The following MMP26 variants were observed in gnomAD, a reference collection of about 807,000 sequenced individuals.
The protein encoded by MMP26 is matrix metallopeptidase 26.
Under a neutral mutation model 31.0 loss-of-function variants are expected in MMP26, and 33 were observed. The ratio of observed to expected loss-of-function variants is 1.06; its 90% CI spans 0.81 to 1.42. MMP26 has a LOEUF of 1.42. MMP26 is among the 40% of genes most tolerant of loss of function. The pLI is 0.00. For missense variants in MMP26, 347 were observed against 316.1 expected, an observed-to-expected ratio of 1.10 and a Z score of -0.74; for synonymous variants, 122 against 114.9, an observed-to-expected ratio of 1.06 and a Z score of -0.40.
At chr11:4,875,882 C>G (rs564840326) in intron 2 of MMP26, 1 of 152,106 alleles carries the variant, frequency 6.6e-6, no homozygotes, top group Non-Finnish European at 1.5e-5. Flanking sequence ...ACTTCTTCCT[C>G]CCTCACTTGC....
At chr11:4,821,858 T>A in intron 2 of MMP26, 1 of 1,613,848 alleles carries the variant, frequency 6.2e-7, no homozygotes, top group South Asian at 1.1e-5. Context: ...ATTGCCAAGA[T>A]TGGGATGAGC....
intron 2 of MMP26, among the ~76,000 whole-genome samples, chr11:4,836,134 C>T (rs1339492800): frequency 2.6e-5 from 4 of 151,934 alleles, no homozygotes; most frequent in Non-Finnish European, 4.4e-5. Context: ...TTAACACCTC[C>T]TAGAAATCCA....
At chr11:4,921,567 T>C (rs1168761353) in intron 2 of MMP26, among the ~76,000 whole-genome samples, 1 of 152,214 alleles carries the variant, frequency 6.6e-6, no homozygotes, top group Non-Finnish European at 1.5e-5. Context: ...CAGATCTGTA[T>C]GGTTTCACTT....
At chr11:4,720,969 C>T (rs1019789714) in intron 1 of MMP26, among the ~76,000 whole-genome samples, 8 of 152,176 alleles carry the variant, frequency 5.3e-5, no homozygotes, top group Admixed American at 2.0e-4. Context: ...GGAACCAATG[C>T]ATCTGGGCAA....
chr11:4,784,348 T>C (rs867096180), intron 2 of MMP26, among the ~76,000 whole-genome samples: 1 of 152,210 alleles, frequency 6.6e-6, no homozygotes, highest in Non-Finnish European at 1.5e-5. Context: ...AAAGATACTC[T>C]AGTGGATCGA....
intron 2 of MMP26, chr11:4,803,302 G>A: frequency 3.1e-6 from 2 of 637,676 alleles, no homozygotes; most frequent in Non-Finnish European, 5.4e-6. Flanking sequence ...TGCCTCTAGA[G>A]GGTTGCTTAC....
intron 2 of MMP26, among the ~76,000 whole-genome samples, chr11:4,976,546 G>C (rs1027915739): frequency 2.6e-5 from 4 of 151,934 alleles, no homozygotes; most frequent in Admixed American, 1.3e-4. Flanking sequence ...CTGAACCCAG[G>C]ATAAAGCCAC....
At position 4,952,508 on chromosome 11, in the gene MMP26, C is replaced by T. The variant is rs778899062; in HGVS notation, c.-144-35560C>T. On this transcript the variant is annotated intron_variant, in intron 2 of 7. Transcript: ENST00000380390. ...TGGATATAGTTACGCACCTTGAACA[C>T]AGAAGCAGTTCTTGCCCTGATCTGA... 1.6e-5 allele frequency among the ~76,000 whole-genome samples: 2 copies of T among 125,878 alleles called. 1 individual carries two copies. Among genetic ancestry groups the T allele is most frequent in the Non-Finnish European group, 3.6e-5 (2 of 55,436 alleles). The allele number at this position is 125,878 out of a possible 152,430, so 82.6% of individuals were successfully genotyped here.
chr11:4,971,874 C>T (rs1407821979), intron 2 of MMP26, among the ~76,000 whole-genome samples: 1 of 152,024 alleles, frequency 6.6e-6, no homozygotes, highest in Non-Finnish European at 1.5e-5. Context: ...AAGAAGTAGC[C>T]AGGCTCTTTT....
chr11:4,711,375 T>C (rs930814103), intron 1 of MMP26: 1 of 152,196 alleles, frequency 6.6e-6, no homozygotes, highest in Non-Finnish European at 1.5e-5. Flanking sequence ...TCCCAAACAT[T>C]ACAACAGCTT....
intron 2 of MMP26, among the ~76,000 whole-genome samples, chr11:4,798,370 C>T (rs893544437): frequency 3.3e-5 from 5 of 152,222 alleles, no homozygotes; most frequent in African/African-American, 1.2e-4. Flanking sequence ...ACTACAGGAC[C>T]TCACCCACCT....
intron 2 of MMP26, among the ~76,000 whole-genome samples, chr11:4,790,480 T>A (rs1367800361): frequency 6.6e-6 from 1 of 152,182 alleles, no homozygotes; most frequent in African/African-American, 2.4e-5. Flanking sequence ...TGACAGTAGG[T>A]CACACTTAGA....
chr11:4,843,718 CTTTA>C (rs1416055791), intron 2 of MMP26, among the ~76,000 whole-genome samples: 1 of 152,208 alleles, frequency 6.6e-6, no homozygotes, highest in South Asian at 2.1e-4. Flanking sequence ...TTTGGCTCCT[CTTTA>C]TTTATTCAAA....
chr11:4,949,967 A>G lies in MMP26; in HGVS notation c.-144-38101A>G, dbSNP rs541425738. Among the ~76,000 whole-genome samples the G allele has an allele frequency of 1.1e-3, 137 of 123,622 alleles. 30 individuals are homozygous for G. The highest frequency in any genetic ancestry group is 3.6e-3 in the African/African-American group (131 of 36,718). The allele number at this position is 123,622 out of a possible 152,430, so 81.1% of individuals were successfully genotyped here. A position where few individuals can be genotyped will look rare whatever the true frequency, so the allele number is the denominator to read the frequency against. ...GGAGTCATGAAAATTTTACATTTCA[A>G]TCTTTATGGTAAGGCATTAGAATCA... On this transcript the variant is annotated intron_variant, in intron 2 of 7. Coordinates refer to ENST00000380390, the MANE Select transcript of MMP26 (RefSeq NM_021801.5).
At chr11:4,822,225 T>C in intron 2 of MMP26, 1 of 1,583,946 alleles carries the variant, frequency 6.3e-7, no homozygotes, top group South Asian at 1.2e-5. Flanking sequence ...GCTATGGCCA[T>C]TCAGCACCTC....
rs1564819722 is a variant in MMP26, at chr11:4,986,932, C to CTCTCCCTCTCTCT, written c.-144-1136_-144-1135insTCTCCCTCTCTCT. Among the ~76,000 whole-genome samples, 115 of 60,442 alleles carry CTCTCCCTCTCTCT rather than the reference C, an allele frequency of 1.9e-3. 5 individuals carry two copies. The East Asian group carries it at 0.026, about 13-fold the overall frequency. 39.7% of individuals were successfully genotyped at this position (60,442 alleles called of 152,430 possible). On this transcript the variant is annotated intron_variant, in intron 2 of 7. Coordinates refer to ENST00000380390, the MANE Select transcript of MMP26 (RefSeq NM_021801.5). ...CTCTCTCTCTCTCTCTCTCTCTCTC[C>CTCTCCCTCTCTCT]CTCTCTCTCTCTCTCTCTCTCTCTC...
chr11:4,824,943 C>G (rs141440545), intron 2 of MMP26, among the ~76,000 whole-genome samples: 9 of 152,206 alleles, frequency 5.9e-5, no homozygotes, highest in African/African-American at 2.2e-4. Context: ...TCATTTGATT[C>G]CGGTTAGTCC....
At chr11:4,744,497 C>T (rs1429617403) in intron 1 of MMP26, among the ~76,000 whole-genome samples, 1 of 150,636 alleles carries the variant, frequency 6.6e-6, no homozygotes, top group Non-Finnish European at 1.5e-5. Context: ...TCTTGGATGC[C>T]CCTGTACTTA....
At chr11:4,742,858 A>G (rs1182189491) in intron 1 of MMP26, among the ~76,000 whole-genome samples, 1 of 152,176 alleles carries the variant, frequency 6.6e-6, no homozygotes, top group Admixed American at 6.5e-5. Context: ...TATGTGGTTT[A>G]TGTGAATTAT....
Sources: gnomAD v4.1 joint callset for allele counts (sites outside exome capture counted in the v4.1 genomes callset) on GRCh38, gnomAD v4.1.1 for gene constraint, MANE v1.5 for transcripts, NCBI Gene and HGNC (gene_info 2026-07-23, HGNC 2026-07-21) for gene names.